The following DLGAP1 variants were observed in gnomAD, a reference collection of about 807,000 sequenced individuals.
The protein encoded by DLGAP1 is DLG associated protein 1.
In DLGAP1, 11 loss-of-function variants were observed where a neutral mutation model predicts 90.8. The ratio of observed to expected loss-of-function variants is 0.12; its 90% CI spans 0.08 to 0.20. The LOEUF is 0.20. Among genes scored for constraint, DLGAP1 ranks in the 10% least tolerant of loss-of-function variants. The pLI, the probability that DLGAP1 is intolerant of heterozygous loss-of-function variation, is 1.00. For missense variants in DLGAP1, 1,050 were observed against 1,333.8 expected (o/e 0.79, Z 3.31); for synonymous variants, 558 against 540.7 (o/e 1.03, Z -0.44).
intron 4 of DLGAP1, among the ~76,000 whole-genome samples, chr18:3,838,230 G>T (rs1772124169): frequency 6.6e-6 from 1 of 152,202 alleles, no homozygotes; most frequent in South Asian, 2.1e-4. Context: ...TAGTAAAAAT[G>T]TAACTAGTCC....
rs1222125119 is a variant in DLGAP1, at chr18:4,161,277, C to T, written c.-266-9990G>A. On this transcript the variant is annotated intron_variant, in intron 1 of 12. Transcript: ENST00000315677. ...CAGACACCAGTGTGTGTTGTTTCCC[C>T]GACCAACCCCACGTGTCCATGTGTT... Among the ~76,000 whole-genome samples the T allele has an allele frequency of 2.6e-5, 4 of 151,960 alleles. No individual in the cohort carries two copies. In the East Asian group the frequency reaches 5.8e-4, roughly 22 times the overall value.
intron 4 of DLGAP1, among the ~76,000 whole-genome samples, chr18:3,824,692 G>C (rs1055691268): frequency 6.6e-6 from 1 of 152,100 alleles, no homozygotes; most frequent in South Asian, 2.1e-4. Flanking sequence ...AATCTCAATA[G>C]ATTTAAGAAG....
chr18:3,536,413 G>A (rs147813343), intron 9 of DLGAP1, among the ~76,000 whole-genome samples: 4,381 of 151,784 alleles, frequency 0.029, 197 homozygotes, highest in African/African-American at 0.1. Flanking sequence ...TAGTAGAGTC[G>A]GGGTTTTGCC....
At chr18:3,900,591 C>T (rs947700634) in intron 3 of DLGAP1, among the ~76,000 whole-genome samples, 2 of 152,158 alleles carry the variant, frequency 1.3e-5, no homozygotes, top group Admixed American at 1.3e-4. Context: ...TGGAAGAAAG[C>T]CTATCAGCTT....
intron 7 of DLGAP1, among the ~76,000 whole-genome samples, chr18:3,683,115 C>T (rs941849261): frequency 9.9e-5 from 15 of 152,100 alleles, no homozygotes; most frequent in African/African-American, 2.9e-4. Context: ...CTCAGCCTCC[C>T]AAAATGTTGG....
rs76076108 is a variant in DLGAP1, at chr18:4,367,317, T to C, written c.-267+87689A>G. On this transcript the variant is annotated intron_variant, in intron 1 of 12. Transcript: ENST00000315677. ...AAACTAGCCAATGTCAAATCTTAGT[T>C]TGATTTGATTCATTACTTTTAGGGT... Among the ~76,000 whole-genome samples the C allele has an allele frequency of 7.1e-3, 1,075 of 152,096 alleles. 16 individuals are homozygous for C. Among genetic ancestry groups the C allele is most frequent in the African/African-American group, 0.024 (1,000 of 41,494 alleles).
intron 7 of DLGAP1, among the ~76,000 whole-genome samples, chr18:3,682,103 C>T (rs537399306): frequency 4.3e-5 from 6 of 141,080 alleles, no homozygotes; most frequent in South Asian, 4.6e-4. Flanking sequence ...GGGTGACAGG[C>T]GAGACCCTGT....
intron 1 of DLGAP1, among the ~76,000 whole-genome samples, chr18:4,319,559 T>C (rs2080626099): frequency 6.6e-6 from 1 of 152,124 alleles, no homozygotes; most frequent in South Asian, 2.1e-4. Context: ...TAGAATGATA[T>C]AGAAAGGTGG....
At chr18:3,524,383 T>C (rs572212704) in intron 10 of DLGAP1, among the ~76,000 whole-genome samples, 4 of 152,080 alleles carry the variant, frequency 2.6e-5, no homozygotes, top group African/African-American at 7.2e-5. Context: ...TGCCACAACA[T>C]AGATGGACTG....
At chr18:4,407,698 G>A (rs191224067) in intron 1 of DLGAP1, among the ~76,000 whole-genome samples, 1 of 152,116 alleles carries the variant, frequency 6.6e-6, no homozygotes, top group East Asian at 1.9e-4. Context: ...GGCCAACATG[G>A]TGATACCCAG....
chr18:4,071,958 G>A (rs576211044), intron 2 of DLGAP1, among the ~76,000 whole-genome samples: 1 of 152,274 alleles, frequency 6.6e-6, no homozygotes, highest in Admixed American at 6.5e-5. Context: ...TTTCCCCACT[G>A]AAAAGTACTT....
intron 1 of DLGAP1, among the ~76,000 whole-genome samples, chr18:4,234,320 G>A (rs769293090): frequency 7.2e-5 from 11 of 151,964 alleles, no homozygotes; most frequent in South Asian, 2.1e-4. Flanking sequence ...CTGATGAAGT[G>A]CTCTTCAGAC....
intron 2 of DLGAP1, among the ~76,000 whole-genome samples, chr18:4,073,615 G>C (rs2075482141): frequency 6.6e-6 from 1 of 152,080 alleles, no homozygotes; most frequent in South Asian, 2.1e-4. Context: ...TTTAATGTTA[G>C]GCAGAAATAA....
At chr18:4,280,712 C>A (rs9952669) in intron 1 of DLGAP1, 1 of 152,030 alleles carries the variant, frequency 6.6e-6, no homozygotes, top group African/African-American at 2.4e-5. Flanking sequence ...GATGATTTCC[C>A]TTTTGGTTCC....
intron 1 of DLGAP1, among the ~76,000 whole-genome samples, chr18:4,178,248 C>CACACAT (rs2077148612): frequency 6.8e-6 from 1 of 147,924 alleles, no homozygotes; most frequent in Non-Finnish European, 1.5e-5. Flanking sequence ...CACACACACA[C>CACACAT]ACACACATTA....
intron 3 of DLGAP1, among the ~76,000 whole-genome samples, chr18:3,908,269 A>C (rs1224334974): frequency 6.6e-6 from 1 of 152,234 alleles, no homozygotes; most frequent in Non-Finnish European, 1.5e-5. Context: ...ATGCATGATT[A>C]TGAATGTGGC....
intron 1 of DLGAP1, among the ~76,000 whole-genome samples, chr18:4,440,056 C>T (rs1303234214): frequency 7.6e-6 from 1 of 131,948 alleles, no homozygotes; most frequent in Admixed American, 8.7e-5. Flanking sequence ...GGAGGCAGAG[C>T]TTGCAGTGAG....
rs1555773226 is a variant in DLGAP1 at position 4,258,008 on chromosome 18, TGTGC to T, written c.-266-106725_-266-106722del. On this transcript the variant is annotated intron_variant, in intron 1 of 12. Coordinates refer to ENST00000315677, the MANE Select transcript of DLGAP1 (RefSeq NM_004746.4). ...GTGTGTGTGTGTGTGTGTGTGTGTG[TGTGC>T]GCGCGCGCGCGTATAACCTATGTTG... Among the ~76,000 whole-genome samples the T allele has an allele frequency of 3.9e-3, 544 of 140,908 alleles. 5 individuals carry two copies. Among genetic ancestry groups the T allele is most frequent in the African/African-American group, 0.016 (516 of 32,346 alleles). 92.4% of individuals were successfully genotyped at this position (140,908 alleles called of 152,430 possible).
intron 9 of DLGAP1, among the ~76,000 whole-genome samples, chr18:3,554,996 C>G (rs1392296708): frequency 2.0e-5 from 3 of 152,110 alleles, no homozygotes; most frequent in African/African-American, 7.2e-5. Flanking sequence ...AAGTTGTTAA[C>G]TGGCCATTCA....
Sources: allele counts gnomAD v4.1 joint callset (sites outside exome capture counted in the v4.1 genomes callset), GRCh38; gene constraint gnomAD v4.1.1; transcripts MANE v1.5; gene names NCBI Gene and HGNC (gene_info 2026-07-23, HGNC 2026-07-21).